TXNDC11: variants seen among roughly 807,000 people sequenced by gnomAD.
TXNDC11 encodes thioredoxin domain containing 11.
TXNDC11 carries 68 observed loss-of-function variants against 78.0 expected under a neutral mutation model. The ratio of observed to expected loss-of-function variants is 0.87; its 90% CI spans 0.72 to 1.07. The LOEUF is 1.07. Ranked by LOEUF, TXNDC11 falls within the 50% of genes least tolerant of loss-of-function variation. TXNDC11 has a pLI of 0.00. For missense variants in TXNDC11, 1,389 were observed against 1,221.8 expected (o/e 1.14, Z -2.04); for synonymous variants, 571 against 495.2 (o/e 1.15, Z -2.03).
In TXNDC11 at chr16:11,742,448, G is replaced by A. The variant is rs922856771; in HGVS notation, c.254+29C>T. The stretch of plus-strand genomic sequence containing the variant: ...GCGGCAGAGCAAGGGGAGCGCCCTA[G>A]CGGGGCCCCAGGGTCCGGGCCGCCT... On this transcript the variant is annotated intron_variant, in intron 1 of 11. Coordinates refer to ENST00000283033, the MANE Select transcript of TXNDC11 (RefSeq NM_015914.7). The A allele has an allele frequency of 1.1e-5, 15 of 1,383,354 alleles. No individual in the cohort carries two copies. In the Admixed American group the frequency reaches 3.7e-4, roughly 34 times the overall value. 85.7% of individuals were successfully genotyped at this position (1,383,354 alleles called of 1,614,324 possible). A position where few individuals can be genotyped will look rare whatever the true frequency, so the allele number is the denominator to read the frequency against.
intron 5 of TXNDC11, among the ~76,000 whole-genome samples, chr16:11,708,629 G>C (rs2051251715): frequency 6.6e-6 from 1 of 152,184 alleles, no homozygotes; most frequent in African/African-American, 2.4e-5. Context: ...TGCTTATAAA[G>C]GTAACTGCTA....
intron 5 of TXNDC11, among the ~76,000 whole-genome samples, chr16:11,707,703 C>G (rs573263358): frequency 1.3e-5 from 2 of 152,142 alleles, no homozygotes; most frequent in African/African-American, 4.8e-5. Flanking sequence ...CCTGCCTCAG[C>G]CTCCCAAAGT....
chr16:11,734,865 T>C (rs1235071328), intron 2 of TXNDC11, among the ~76,000 whole-genome samples: 1 of 152,198 alleles, frequency 6.6e-6, no homozygotes, highest in Non-Finnish European at 1.5e-5. Context: ...ATCTGTGGGA[T>C]GCTTTTGGCT....
intron 3 of TXNDC11, among the ~76,000 whole-genome samples, chr16:11,733,296 T>A (rs907244939): frequency 4.6e-5 from 7 of 151,976 alleles, no homozygotes; most frequent in Admixed American, 2.6e-4. Context: ...TAAAACTCTT[T>A]CCGTTTTTCA....
intron 9 of TXNDC11, 43 bp downstream of exon 9, chr16:11,688,260 A>C: frequency 6.3e-7 from 1 of 1,596,468 alleles, no homozygotes; most frequent in Non-Finnish European, 8.5e-7. Flanking sequence ...AATTATTTTA[A>C]GAGGGACAGA....
intron 4 of TXNDC11, among the ~76,000 whole-genome samples, chr16:11,724,763 GGA>G: frequency 6.6e-6 from 1 of 151,886 alleles, no homozygotes; most frequent in East Asian, 1.9e-4. Flanking sequence ...TCTCTTTTTT[GGA>G]GACAGAGTCT....
At chr16:11,700,707 C>T (rs930424751) in intron 5 of TXNDC11, 143 bp from the exon 6 acceptor site, 27 of 577,586 alleles carry the variant, frequency 4.7e-5, no homozygotes, top group African/African-American at 3.9e-4. Flanking sequence ...GGAAGAGGCG[C>T]TGAGGAACCT....
chr16:11,690,368 G>A (rs2141985343), intron 8 of TXNDC11, among the ~76,000 whole-genome samples: 1 of 152,258 alleles, frequency 6.6e-6, no homozygotes, highest in South Asian at 2.1e-4. Context: ...GGTTTTGCTG[G>A]TTTGCGACTG....
chr16:11,702,092 G>GTA (rs35673646), intron 5 of TXNDC11, among the ~76,000 whole-genome samples: 20,213 of 144,062 alleles, frequency 0.14, 1,393 homozygotes, highest in African/African-American at 0.16. Flanking sequence ...GTATGTATGT[G>GTA]TATATATATA....
At chr16:11,689,821 G>A (rs1178633007) in intron 8 of TXNDC11, among the ~76,000 whole-genome samples, 1 of 152,130 alleles carries the variant, frequency 6.6e-6, no homozygotes, top group Non-Finnish European at 1.5e-5. Context: ...TTCATTTTAA[G>A]AAAGCTCAAC....
chr16:11,693,876 T>C (rs1041757238), intron 7 of TXNDC11, among the ~76,000 whole-genome samples: 1 of 152,130 alleles, frequency 6.6e-6, no homozygotes, highest in South Asian at 2.1e-4. Flanking sequence ...GACGCAGTAA[T>C]AGACAACTAC....
chr16:11,698,138 G>C lies in TXNDC11; in HGVS notation c.1094C>G (p.Pro365Arg). ...IPFNPLAESH[P>R]LIDEITEVAL... ...CACAGCTCTTACCTCGTCTATTAAA[G>C]GATGACTTTCGGCCAGGGGATTAAA... is the stretch of plus-strand genomic sequence containing the variant. Residue 365 changes from proline to arginine, a missense_variant, in exon 7 of 12, where the codon CCT becomes CGT. Coordinates refer to ENST00000283033, the MANE Select transcript of TXNDC11 (RefSeq NM_015914.7). The C allele has an allele frequency of 6.2e-7, 1 of 1,614,240 alleles. No homozygotes were observed. The highest frequency in any genetic ancestry group is 8.5e-7 in the Non-Finnish European group (1 of 1,180,036).
chr16:11,697,936 C>T (rs934536013), intron 7 of TXNDC11, among the ~76,000 whole-genome samples, 189 bp downstream of exon 7: 1 of 152,254 alleles, frequency 6.6e-6, no homozygotes, highest in Non-Finnish European at 1.5e-5. Flanking sequence ...GAGGCTGCGG[C>T]AGTCCCTGTC....
At chr16:11,694,362 A>ACTCCTGAC (rs1404698133) in intron 7 of TXNDC11, among the ~76,000 whole-genome samples, 2 of 151,520 alleles carry the variant, frequency 1.3e-5, no homozygotes, top group Non-Finnish European at 2.9e-5. Context: ...CTGGTCTCGA[A>ACTCCTGAC]CTCCTGACCT....
In TXNDC11 at chr16:11,692,731, A is replaced by G. The variant is rs1056061729; in HGVS notation, c.1108-649T>C. On this transcript the variant is annotated intron_variant, in intron 7 of 11. Coordinates refer to ENST00000283033, the MANE Select transcript of TXNDC11 (RefSeq NM_015914.7). ...GAGAGTGCAGGGGGAGATGGTTACT[A>G]TATTTTTAAAAATACAACCCCAGGC... Among the ~76,000 whole-genome samples, 4 of 152,222 alleles carry G rather than the reference A, an allele frequency of 2.6e-5. No homozygotes were observed. In the East Asian group the frequency reaches 7.7e-4, roughly 29 times the overall value.
intron 6 of TXNDC11, among the ~76,000 whole-genome samples, chr16:11,700,111 G>A (rs374083495): frequency 1.6e-3 from 244 of 152,302 alleles, no homozygotes; most frequent in African/African-American, 5.6e-3. Context: ...ATCACTCAGT[G>A]GAAGCCTAGC....
At chr16:11,716,987 AG>A (rs2051543814) in intron 5 of TXNDC11, among the ~76,000 whole-genome samples, 1 of 152,168 alleles carries the variant, frequency 6.6e-6, no homozygotes, top group East Asian at 1.9e-4. Context: ...TAAATGAGAG[AG>A]GGAAAAATCA....
Position 11,742,469 on chromosome 16 carries a change from C to T in TXNDC11, c.254+8G>A. The T allele has an allele frequency of 7.0e-7, 1 of 1,422,844 alleles. No individual in the cohort carries two copies. The highest frequency in any genetic ancestry group is 9.1e-7 in the Non-Finnish European group (1 of 1,095,808). The allele number at this position is 1,422,844 out of a possible 1,614,324, so 88.1% of individuals were successfully genotyped here. ...CCTAGCGGGGCCCCAGGGTCCGGGC[C>T]GCCTCACCTGCAGGTGAACTTGAGG... On this transcript the variant is annotated splice_region_variant and intron_variant, in intron 1 of 11. Transcript: ENST00000283033.
chr16:11,712,022 T>C lies in TXNDC11; in HGVS notation c.793+9555A>G, dbSNP rs561903718. Among the ~76,000 whole-genome samples, 29 of 152,296 alleles carry C rather than the reference T, an allele frequency of 1.9e-4. No individual in the cohort carries two copies. The South Asian group carries it at 5.8e-3, about 30-fold the overall frequency. On this transcript the variant is annotated intron_variant, in intron 5 of 11. Transcript: ENST00000283033. The stretch of plus-strand genomic sequence containing the variant: ...TAAGTTTGTGACTTTATTATGTCCC[T>C]AAGATTATTTTCTAAGATTGTAATG...
Sources: allele counts gnomAD v4.1 joint callset (sites outside exome capture counted in the v4.1 genomes callset), GRCh38; gene constraint gnomAD v4.1.1; transcripts MANE v1.5; gene names NCBI Gene and HGNC (gene_info 2026-07-23, HGNC 2026-07-21).